The following PDZRN4 variants were observed in gnomAD, a reference collection of about 807,000 sequenced individuals.
PDZRN4 encodes PDZ domain-containing RING finger protein 4.
A neutral mutation model predicts 99.0 loss-of-function variants in PDZRN4; 70 were observed. The observed-to-expected ratio is 0.71, with a 90% CI of 0.58 to 0.86. PDZRN4 has a LOEUF of 0.86. PDZRN4 is among the 40% of genes least tolerant of loss of function. PDZRN4 has a pLI of 0.00. For synonymous variants in PDZRN4, 551 were observed against 501.6 expected (o/e 1.10, Z -1.32); for missense variants, 1,474 against 1,331.2 (o/e 1.11, Z -1.67).
intron 3 of PDZRN4, among the ~76,000 whole-genome samples, chr12:41,444,739 A>G (rs1952709627): frequency 6.6e-6 from 1 of 152,138 alleles, no homozygotes; most frequent in African/African-American, 2.4e-5. Flanking sequence ...GTGAAATGAA[A>G]AATGAAAGTT....
intron 3 of PDZRN4, among the ~76,000 whole-genome samples, chr12:41,337,117 T>C (rs1951781218): frequency 6.6e-6 from 1 of 152,126 alleles, no homozygotes; most frequent in Non-Finnish European, 1.5e-5. Context: ...AGTCACACTA[T>C]GAACTGAATT....
At chr12:41,497,150 C>G (rs1057135104) in intron 3 of PDZRN4, among the ~76,000 whole-genome samples, 2 of 151,974 alleles carry the variant, frequency 1.3e-5, no homozygotes, top group South Asian at 2.1e-4. Context: ...AAAGATGGGA[C>G]AAAAAAGATC....
At chr12:41,228,228 A>G (rs1951008113) in intron 3 of PDZRN4, among the ~76,000 whole-genome samples, 1 of 152,098 alleles carries the variant, frequency 6.6e-6, no homozygotes, top group African/African-American at 2.4e-5. Flanking sequence ...TTCTCCAATC[A>G]CTTGAACAGT....
intron 9 of PDZRN4, among the ~76,000 whole-genome samples, chr12:41,571,759 G>T (rs141218657): frequency 4.6e-5 from 7 of 152,140 alleles, no homozygotes; most frequent in Non-Finnish European, 8.8e-5. Context: ...ACCTGAATCT[G>T]CCACTAATAA....
intron 3 of PDZRN4, among the ~76,000 whole-genome samples, chr12:41,337,199 G>T (rs1022517479): frequency 1.3e-5 from 2 of 152,106 alleles, no homozygotes; most frequent in African/African-American, 4.8e-5. Flanking sequence ...GCAAGATGGA[G>T]TTAGTTAGGT....
At chr12:41,466,222 C>T (rs988057209) in intron 3 of PDZRN4, among the ~76,000 whole-genome samples, 1 of 152,092 alleles carries the variant, frequency 6.6e-6, no homozygotes, top group Non-Finnish European at 1.5e-5. Context: ...GTGGGCCCGC[C>T]TATATTGCCA....
intron 3 of PDZRN4, among the ~76,000 whole-genome samples, chr12:41,486,141 T>A (rs1462313673): frequency 6.6e-6 from 1 of 152,192 alleles, no homozygotes; most frequent in African/African-American, 2.4e-5. Flanking sequence ...GGAGTTTTTG[T>A]GTACAGGCTG....
At chr12:41,348,997 C>CT (rs1229096299) in intron 3 of PDZRN4, among the ~76,000 whole-genome samples, 4 of 151,748 alleles carry the variant, frequency 2.6e-5, no homozygotes, top group Non-Finnish European at 4.4e-5. Context: ...ATGATTTTCT[C>CT]TTTGGTAACA....
At chr12:41,194,728 A>AATGTGTT (rs767295495) in intron 3 of PDZRN4, among the ~76,000 whole-genome samples, 4 of 152,230 alleles carry the variant, frequency 2.6e-5, no homozygotes, top group Non-Finnish European at 4.4e-5. Flanking sequence ...GAAGTTTTCA[A>AATGTGTT]ATGTGTTAAT....
At chr12:41,510,050 A>C in intron 5 of PDZRN4, 137 bp downstream of exon 5, 1 of 463,726 alleles carries the variant, frequency 2.2e-6, no homozygotes, top group East Asian at 3.4e-5. Context: ...TTCAAATACT[A>C]TTTGCTTTAG....
intron 8 of PDZRN4, 55 bp from the exon 9 acceptor site, chr12:41,567,728 T>C: frequency 3.4e-6 from 4 of 1,178,344 alleles, no homozygotes; most frequent in Non-Finnish European, 4.9e-6. Context: ...GTTTACTCTA[T>C]TTTAACATGA....
At chr12:41,389,416 T>C (rs1391222911) in intron 3 of PDZRN4, among the ~76,000 whole-genome samples, 1 of 152,164 alleles carries the variant, frequency 6.6e-6, no homozygotes, top group Non-Finnish European at 1.5e-5. Context: ...AAGTAGAGCA[T>C]GCCATTCCAG....
intron 3 of PDZRN4, among the ~76,000 whole-genome samples, chr12:41,286,161 T>TA (rs918492020): frequency 6.6e-6 from 1 of 152,068 alleles, no homozygotes; most frequent in African/African-American, 2.4e-5. Context: ...CTATTCTGCC[T>TA]AAAATTCTGT....
intron 3 of PDZRN4, among the ~76,000 whole-genome samples, chr12:41,370,649 C>A (rs1289559917): frequency 6.6e-6 from 1 of 152,010 alleles, no homozygotes; most frequent in East Asian, 1.9e-4. Flanking sequence ...CATTCTCCTG[C>A]ATTTTCCCCG....
At chr12:41,286,239 T>G (rs1276669862) in intron 3 of PDZRN4, among the ~76,000 whole-genome samples, 1 of 151,034 alleles carries the variant, frequency 6.6e-6, no homozygotes, top group African/African-American at 2.4e-5. Context: ...AACAGCAACA[T>G]AAAATCTGAC....
In PDZRN4 at chr12:41,572,651, T is replaced by C; in HGVS notation, c.1872T>C (p.Cys624=). The C allele has an allele frequency of 6.2e-7, 1 of 1,614,130 alleles. No homozygotes were observed. Among genetic ancestry groups the C allele is most frequent in the Non-Finnish European group, 8.5e-7 (1 of 1,180,012 alleles). ...SDCIGNPDED[C]ERFRQLLELK... ...GCATTGGCAACCCAGATGAGGACTG[T>C]GAAAGATTCAGGCAGCTCTTGGAGC... The change falls in exon 10 of 10, where the codon TGT becomes TGC. Residue 624 remains cysteine, a synonymous_variant. Transcript: ENST00000402685.
intron 3 of PDZRN4, among the ~76,000 whole-genome samples, chr12:41,275,072 A>G (rs1030850926): frequency 6.6e-6 from 1 of 152,152 alleles, no homozygotes; most frequent in African/African-American, 2.4e-5. Context: ...AAGATGCTGA[A>G]CATTTTAACT....
intron 3 of PDZRN4, among the ~76,000 whole-genome samples, chr12:41,498,195 C>G (rs780150725): frequency 6.6e-6 from 1 of 151,890 alleles, no homozygotes; most frequent in Non-Finnish European, 1.5e-5. Context: ...GACAAATAAA[C>G]ATTACATGCC....
intron 3 of PDZRN4, among the ~76,000 whole-genome samples, chr12:41,286,093 A>G (rs1951420403): frequency 6.6e-6 from 1 of 152,150 alleles, no homozygotes; most frequent in Admixed American, 6.5e-5. Flanking sequence ...TGGGAATGTG[A>G]TAAGAGGTAA....
Sources: allele counts gnomAD v4.1 joint callset (sites outside exome capture counted in the v4.1 genomes callset), GRCh38; gene constraint gnomAD v4.1.1; transcripts MANE v1.5; gene names NCBI Gene and HGNC (gene_info 2026-07-23, HGNC 2026-07-21).